The following NMNAT3 variants were observed in gnomAD, a reference collection of about 807,000 sequenced individuals.
The protein encoded by NMNAT3 is nicotinamide nucleotide adenylyltransferase 3.
In NMNAT3, 21 loss-of-function variants were observed where a neutral mutation model predicts 24.8. The ratio of observed to expected loss-of-function variants is 0.85; its 90% CI spans 0.60 to 1.22. The LOEUF is 1.22. Among genes scored for constraint, NMNAT3 ranks in the 50% most tolerant of loss-of-function variants. The probability of loss-of-function intolerance (pLI) is 0.00; values close to 1 mark genes in which losing one functional copy is unlikely to be tolerated. For missense variants in NMNAT3, 387 were observed against 436.6 expected, an observed-to-expected ratio of 0.89 and a Z score of 1.01; for synonymous variants, 136 against 155.2, an observed-to-expected ratio of 0.88 and a Z score of 0.92.
At chr3:139,637,511 A>G (rs907944633) in intron 2 of NMNAT3, 1 of 152,208 alleles carries the variant, frequency 6.6e-6, no homozygotes, top group Non-Finnish European at 1.5e-5. Flanking sequence ...TGTGCTTACT[A>G]TATGATTTAA....
At position 139,561,241 on chromosome 3, in the gene NMNAT3, G is replaced by A. The variant is rs777799406; in HGVS notation, c.810C>T (p.Ile270=). 30 of 1,613,980 alleles carry A rather than the reference G, an allele frequency of 1.9e-5. No homozygotes were observed. Among genetic ancestry groups the A allele is most frequent in the Admixed American group, 8.3e-5 (5 of 59,992 alleles). ...GCATCCGTAGGATGGGAGATTCTGC[G>A]ATGTAACCTTTTGGGTCGTGACCTA... is the stretch of plus-strand genomic sequence containing the variant. The change falls in exon 7 of 7, where the codon ATC becomes ATT. Residue 270 remains isoleucine, a synonymous_variant. Transcript: ENST00000643695.
intron 3 of NMNAT3, among the ~76,000 whole-genome samples, chr3:139,615,460 T>TATCTATCTATCC (rs748766151): frequency 4.8e-4 from 70 of 146,532 alleles, no homozygotes; most frequent in Non-Finnish European, 6.1e-4. Flanking sequence ...TCTATCTATC[T>TATCTATCTATCC]ATCCATCCAC....
chr3:139,664,692 A>C (rs563945147), intron 1 of NMNAT3, among the ~76,000 whole-genome samples: 1 of 152,302 alleles, frequency 6.6e-6, no homozygotes, highest in South Asian at 2.1e-4. Context: ...AATTTTGCTT[A>C]ATTTAGCTTC....
chr3:139,615,922 C>T (rs1159539738), intron 3 of NMNAT3, among the ~76,000 whole-genome samples: 1 of 152,162 alleles, frequency 6.6e-6, no homozygotes, highest in Non-Finnish European at 1.5e-5. Flanking sequence ...GGCATGTATG[C>T]TCCCCCAGGG....
intron 1 of NMNAT3, among the ~76,000 whole-genome samples, chr3:139,664,413 G>T (rs2057512329): frequency 6.6e-6 from 1 of 152,182 alleles, no homozygotes; most frequent in South Asian, 2.1e-4. Flanking sequence ...AAAATGAGTG[G>T]TCCAGGAGCT....
At chr3:139,605,276 C>T (rs1159215746) in intron 3 of NMNAT3, among the ~76,000 whole-genome samples, 1 of 152,118 alleles carries the variant, frequency 6.6e-6, no homozygotes, top group Non-Finnish European at 1.5e-5. Flanking sequence ...TGTGAATGCA[C>T]CTATTGTTAA....
intron 3 of NMNAT3, among the ~76,000 whole-genome samples, chr3:139,589,116 G>C (rs2054063526): frequency 6.6e-6 from 1 of 152,190 alleles, no homozygotes; most frequent in Non-Finnish European, 1.5e-5. Flanking sequence ...GAACTTGGAG[G>C]ATACAAAGGC....
At chr3:139,624,196 A>G (rs1013262013) in intron 3 of NMNAT3, among the ~76,000 whole-genome samples, 2 of 152,116 alleles carry the variant, frequency 1.3e-5, no homozygotes, top group African/African-American at 4.8e-5. Context: ...ATTTCGTGCT[A>G]TAAAACTCTT....
At chr3:139,676,305 T>G (rs2057927679) in intron 1 of NMNAT3, among the ~76,000 whole-genome samples, 1 of 152,240 alleles carries the variant, frequency 6.6e-6, no homozygotes, top group Admixed American at 6.5e-5. Context: ...AGTGAGCAGC[T>G]GACAGATGTT....
At chr3:139,591,332 G>T (rs910365898) in intron 3 of NMNAT3, among the ~76,000 whole-genome samples, 4 of 152,108 alleles carry the variant, frequency 2.6e-5, no homozygotes, top group Admixed American at 6.5e-5. Context: ...CCACGGAATC[G>T]CGCTGATTGC....
At chr3:139,599,957 A>G (rs1223443810) in intron 3 of NMNAT3, among the ~76,000 whole-genome samples, 1 of 152,202 alleles carries the variant, frequency 6.6e-6, no homozygotes, top group Non-Finnish European at 1.5e-5. Context: ...CTCTGGCAGC[A>G]CAGTCGGCCA....
intron 6 of NMNAT3, among the ~76,000 whole-genome samples, chr3:139,572,399 G>T (rs1436721823): frequency 6.6e-6 from 1 of 152,134 alleles, no homozygotes; most frequent in Non-Finnish European, 1.5e-5. Flanking sequence ...TGATTATATA[G>T]GAGGTATTGT....
At chr3:139,596,269 AT>A (rs1215787204) in intron 3 of NMNAT3, among the ~76,000 whole-genome samples, 1 of 151,986 alleles carries the variant, frequency 6.6e-6, no homozygotes, top group Non-Finnish European at 1.5e-5. Flanking sequence ...GCCTACCATA[AT>A]TTTTTTCTCT....
At chr3:139,619,781 C>T (rs138023524) in intron 3 of NMNAT3, among the ~76,000 whole-genome samples, 2,306 of 152,250 alleles carry the variant, frequency 0.015, 39 homozygotes, top group Non-Finnish European at 0.02. Flanking sequence ...AAGTTATATA[C>T]CCTCAAAATA....
At chr3:139,602,744 AT>A (rs766036858) in intron 3 of NMNAT3, among the ~76,000 whole-genome samples, 3 of 152,334 alleles carry the variant, frequency 2.0e-5, no homozygotes, top group Admixed American at 2.0e-4. Context: ...CAAATTACTA[AT>A]TTTATAAGTA....
Position 139,560,759 on chromosome 3 carries a change from G to A in NMNAT3, c.*251C>T, listed in dbSNP as rs1217706315. On this transcript the variant is annotated 3_prime_UTR_variant, in exon 7 of 7. Coordinates refer to ENST00000643695, the MANE Select transcript of NMNAT3 (RefSeq NM_001320510.2). ...TTGTCCAGCAGCTCTGAGAGATTCT[G>A]CCTAATCCTAATGACCTGCCACACC... is the stretch of plus-strand genomic sequence containing the variant. 1.2e-5 allele frequency: 6 copies of A among 481,298 alleles called. No individual in the cohort carries two copies. Among genetic ancestry groups the A allele is most frequent in the South Asian group, 3.0e-5 (1 of 32,960 alleles). 29.8% of individuals were successfully genotyped at this position (481,298 alleles called of 1,614,324 possible).
chr3:139,656,331 T>C (rs2057240554), intron 1 of NMNAT3, among the ~76,000 whole-genome samples: 1 of 151,948 alleles, frequency 6.6e-6, no homozygotes, highest in Admixed American at 6.5e-5. Context: ...GAAGGTCCTA[T>C]TGGTGGCTTC....
At chr3:139,650,717 C>T (rs539817461) in intron 1 of NMNAT3, among the ~76,000 whole-genome samples, 9 of 152,268 alleles carry the variant, frequency 5.9e-5, no homozygotes, top group African/African-American at 2.2e-4. Context: ...GAGATTGACA[C>T]TCTGGGACAA....
At chr3:139,624,420 T>C (rs2055951174) in intron 3 of NMNAT3, among the ~76,000 whole-genome samples, 1 of 152,126 alleles carries the variant, frequency 6.6e-6, no homozygotes, top group South Asian at 2.1e-4. Context: ...ATACACTTTG[T>C]ATTACTTCAG....
Sources: gnomAD v4.1 joint callset for allele counts (sites outside exome capture counted in the v4.1 genomes callset) on GRCh38, gnomAD v4.1.1 for gene constraint, MANE v1.5 for transcripts, NCBI Gene and HGNC (gene_info 2026-07-23, HGNC 2026-07-21) for gene names.